DIAPH2: variants seen among roughly 807,000 people sequenced by gnomAD.
The protein encoded by DIAPH2 is protein diaphanous homolog 2.
In DIAPH2, 35 loss-of-function variants were observed where a neutral mutation model predicts 92.7. That is an observed-to-expected ratio of 0.38 (90% CI 0.29 to 0.50). DIAPH2 has a LOEUF of 0.50. DIAPH2 is among the 20% of genes least tolerant of loss of function. The pLI is 0.94. For missense variants in DIAPH2, 701 were observed against 819.5 expected, an observed-to-expected ratio of 0.86 and a Z score of 1.77; for synonymous variants, 301 against 280.4, an observed-to-expected ratio of 1.07 and a Z score of -0.73.
chrX:97,289,948 G>A (rs748424270), intron 23 of DIAPH2, among the ~76,000 whole-genome samples: 10 of 109,769 alleles, frequency 9.1e-5, no homozygotes, highest in African/African-American at 3.0e-4. Flanking sequence ...CCAGCCTCAA[G>A]TGAGCTGTCT....
chrX:97,300,662 G>T (rs1468396666), intron 23 of DIAPH2, among the ~76,000 whole-genome samples: 1 of 102,223 alleles, frequency 9.8e-6, no homozygotes, highest in African/African-American at 3.5e-5. Flanking sequence ...GCCGGGCGCG[G>T]TGGCTCACGC....
At chrX:96,686,524 G>T in intron 1 of DIAPH2, among the ~76,000 whole-genome samples, 1 of 111,456 alleles carries the variant, frequency 9.0e-6, no homozygotes, top group East Asian at 2.8e-4. Context: ...TTATGAGATC[G>T]TATCATTTTC....
rs183274360 is a variant in DIAPH2 at position 97,474,819 on chromosome X, C to T, written c.3241+45074C>T. On this transcript the variant is annotated intron_variant, in intron 26 of 26. Coordinates refer to ENST00000324765, the MANE Select transcript of DIAPH2 (RefSeq NM_006729.5). ...AATAAAGAACAGGGTAGATGATTATCGTTCTGGGATGGACTAGATAACTTC... is the reference window on the plus strand; with the variant it reads ...AATAAAGAACAGGGTAGATGATTATTGTTCTGGGATGGACTAGATAACTTC... 2.5e-4 allele frequency among the ~76,000 whole-genome samples: 28 copies of T among 110,444 alleles called. No homozygotes were observed. In the East Asian group the frequency reaches 7.9e-3, roughly 31 times the overall value.
chrX:96,900,312 A>C (rs772601947), intron 5 of DIAPH2, among the ~76,000 whole-genome samples: 9 of 111,146 alleles, frequency 8.1e-5, no homozygotes, highest in Admixed American at 9.7e-5. Flanking sequence ...ATTTGTGTAC[A>C]TTGATTTTGT....
chrX:96,725,265 A>G (rs1193446809), intron 1 of DIAPH2, among the ~76,000 whole-genome samples: 1 of 112,225 alleles, frequency 8.9e-6, no homozygotes, highest in East Asian at 2.8e-4. Flanking sequence ...TCTCTTATCC[A>G]AATTAAAACT....
intron 4 of DIAPH2, among the ~76,000 whole-genome samples, chrX:96,798,763 C>A (rs756608831): frequency 1.3e-4 from 14 of 111,786 alleles, no homozygotes; most frequent in African/African-American, 3.6e-4. Context: ...CATATTAAGA[C>A]TTGTTTTTAA....
intron 10 of DIAPH2, among the ~76,000 whole-genome samples, chrX:96,936,234 T>C (rs2065656639): frequency 1.8e-5 from 2 of 111,968 alleles, no homozygotes; most frequent in South Asian, 3.7e-4. Context: ...CATCTAGAAA[T>C]TGCTGAAATT....
intron 23 of DIAPH2, among the ~76,000 whole-genome samples, chrX:97,324,904 A>ATT (rs1232593510): frequency 8.1e-5 from 9 of 110,675 alleles, no homozygotes; most frequent in Non-Finnish European, 1.1e-4. Flanking sequence ...GGTTCAAGCG[A>ATT]TTCTCCTGCC....
chrX:97,358,386 C>T (rs575553431), intron 24 of DIAPH2, among the ~76,000 whole-genome samples: 3 of 111,332 alleles, frequency 2.7e-5, no homozygotes, highest in African/African-American at 6.5e-5. Flanking sequence ...CACTGTTAAC[C>T]ATCCTACAAT....
chrX:96,770,123 G>A (rs1374356606), intron 4 of DIAPH2, among the ~76,000 whole-genome samples: 3 of 109,621 alleles, frequency 2.7e-5, no homozygotes, highest in African/African-American at 1.0e-4. Flanking sequence ...GCTTGAACCC[G>A]GGAGGCAGAG....
intron 20 of DIAPH2, among the ~76,000 whole-genome samples, chrX:97,101,802 G>A (rs1426844044): frequency 8.9e-6 from 1 of 112,309 alleles, no homozygotes; most frequent in African/African-American, 3.2e-5. Context: ...ATTTAAATCT[G>A]TAACAATAGA....
chrX:96,841,766 G>C (rs1226822539), intron 4 of DIAPH2, among the ~76,000 whole-genome samples: 1 of 112,282 alleles, frequency 8.9e-6, no homozygotes, highest in Non-Finnish European at 1.9e-5. Context: ...GCGTGTCCCT[G>C]TGAAGAGACC....
intron 22 of DIAPH2, among the ~76,000 whole-genome samples, chrX:97,194,301 T>A (rs1319907507): frequency 3.7e-5 from 4 of 107,998 alleles, no homozygotes; most frequent in Admixed American, 1.0e-4. Flanking sequence ...TTTTTTTTTT[T>A]GACGGAGTCT....
intron 17 of DIAPH2, among the ~76,000 whole-genome samples, chrX:97,014,996 C>T (rs1392924206): frequency 9.0e-6 from 1 of 111,375 alleles, no homozygotes; most frequent in Non-Finnish European, 1.9e-5. Context: ...AACTTTTAGA[C>T]CTAATTTTAT....
chrX:97,328,359 C>G (rs919726050), intron 23 of DIAPH2, among the ~76,000 whole-genome samples: 1 of 111,151 alleles, frequency 9.0e-6, no homozygotes, highest in Admixed American at 9.6e-5. Flanking sequence ...CGCTTGATCC[C>G]GGGAGGCAGA....
intron 1 of DIAPH2, among the ~76,000 whole-genome samples, chrX:96,729,606 C>G (rs2064042259): frequency 8.9e-6 from 1 of 112,078 alleles, no homozygotes; most frequent in Admixed American, 9.5e-5. Flanking sequence ...AGTGAAGTAA[C>G]ATAGACTTCT....
At chrX:97,224,009 C>A (rs1416967797) in intron 22 of DIAPH2, among the ~76,000 whole-genome samples, 4 of 111,266 alleles carry the variant, frequency 3.6e-5, no homozygotes, top group Non-Finnish European at 7.5e-5. Flanking sequence ...CAAATTAGAC[C>A]CTTATTAACG....
chrX:96,863,845 T>C (rs1470969483), intron 4 of DIAPH2, among the ~76,000 whole-genome samples: 1 of 110,440 alleles, frequency 9.1e-6, no homozygotes, highest in Non-Finnish European at 1.9e-5. Context: ...GCAGACTACT[T>C]GAGCCCAGAA....
chrX:97,342,808 TG>T (rs1385081797), intron 23 of DIAPH2, among the ~76,000 whole-genome samples: 1 of 111,930 alleles, frequency 8.9e-6, no homozygotes. Flanking sequence ...GTAACAGTGA[TG>T]GGGATGGATA....
Sources: gnomAD v4.1 joint callset for allele counts (sites outside exome capture counted in the v4.1 genomes callset) on GRCh38, gnomAD v4.1.1 for gene constraint, MANE v1.5 for transcripts, NCBI Gene and HGNC (gene_info 2026-07-23, HGNC 2026-07-21) for gene names.